Variants in SUN2 observed in about 807,000 individuals in gnomAD.
The protein encoded by SUN2 is SUN domain-containing protein 2.
Under a neutral mutation model 100.0 loss-of-function variants are expected in SUN2, and 60 were observed. That is an observed-to-expected ratio of 0.60 (90% CI 0.49 to 0.74). SUN2 has a LOEUF of 0.74. Ranked by LOEUF, SUN2 falls within the 30% of genes least tolerant of loss-of-function variation. The pLI is 0.00. For synonymous variants in SUN2, 367 were observed against 403.3 expected (o/e 0.91, Z 1.08); for missense variants, 834 against 954.6 (o/e 0.87, Z 1.66).
chr22:38,740,663 AAT>A lies in SUN2; in HGVS notation c.1191-233_1191-232del. On this transcript the variant is annotated intron_variant, in intron 11 of 17. Coordinates refer to ENST00000689035, the MANE Select transcript of SUN2 (RefSeq NM_015374.3). The surrounding 1 kb of genome is among the most constrained non-coding windows in gnomAD (Gnocchi z 4.8). The stretch of plus-strand genomic sequence containing the variant: ...CTCCCTTTCTAAGCCCAGAGTCCAG[AAT>A]GTACTCTGCCTCAGCCTCTCACATC... The A allele has an allele frequency of 1.7e-6, 1 of 572,136 alleles. No homozygotes were observed. Among genetic ancestry groups the A allele is most frequent in the South Asian group, 2.4e-5 (1 of 41,548 alleles). 35.4% of individuals were successfully genotyped at this position (572,136 alleles called of 1,614,324 possible). A position where few individuals can be genotyped will look rare whatever the true frequency, so the allele number is the denominator to read the frequency against.
chr22:38,747,860 C>T (rs994475466), intron 7 of SUN2, among the ~76,000 whole-genome samples: 4 of 151,326 alleles, frequency 2.6e-5, no homozygotes, highest in African/African-American at 9.7e-5. Context: ...GGAGGATCAC[C>T]TGAGCTCAGA....
chr22:38,746,926 C>T (rs1017781562), intron 7 of SUN2, among the ~76,000 whole-genome samples: 6 of 151,958 alleles, frequency 3.9e-5, no homozygotes, highest in East Asian at 3.9e-4. Flanking sequence ...CCCAGCTACT[C>T]GGGAGGCTGA....
intron 10 of SUN2, 99 bp from the exon 11 acceptor site, chr22:38,741,149 C>T: frequency 2.2e-6 from 3 of 1,357,924 alleles, no homozygotes; most frequent in Non-Finnish European, 3.1e-6. Context: ...CTTAACCACA[C>T]CCCTGCCCAA....
chr22:38,735,513 G>A lies in SUN2; in HGVS notation c.*754C>T, dbSNP rs889593678. 7.1e-6 allele frequency: 2 copies of A among 279,744 alleles called. No homozygotes were observed. The highest frequency in any genetic ancestry group is 1.4e-5 in the Non-Finnish European group (2 of 141,298). 17.3% of individuals were successfully genotyped at this position (279,744 alleles called of 1,614,324 possible). A position where few individuals can be genotyped will look rare whatever the true frequency, so the allele number is the denominator to read the frequency against. On this transcript the variant is annotated 3_prime_UTR_variant, in exon 18 of 18. Transcript: ENST00000689035. ...ACTGGCAGGCCCTAGCAGGAACAGG[G>A]AGCAGGGTGGGCCCCAACCTAGCAT...
chr22:38,738,442 G>A lies in SUN2; in HGVS notation c.1947+145C>T. On this transcript the variant is annotated intron_variant, in intron 16 of 17. Transcript: ENST00000689035. This position sits in a 1 kb window ranked among gnomAD's most constrained non-coding sequence, Gnocchi z 6.6. ...AAAGCCTAAGGTAACAGGGACTGAA[G>A]TGCTGTCTCCCACCCTAGCTCCTCC... The A allele has an allele frequency of 8.3e-7, 1 of 1,205,774 alleles. No homozygotes were observed. Among genetic ancestry groups the A allele is most frequent in the Non-Finnish European group, 1.2e-6 (1 of 850,140 alleles). The allele number at this position is 1,205,774 out of a possible 1,614,324, so 74.7% of individuals were successfully genotyped here.
chr22:38,746,513 G>A (rs1393874760), intron 7 of SUN2, among the ~76,000 whole-genome samples: 1 of 152,204 alleles, frequency 6.6e-6, no homozygotes, highest in Non-Finnish European at 1.5e-5. Context: ...AGGTTGGCAG[G>A]TGCAAAAGGA....
rs754486923 is a variant in SUN2, at chr22:38,737,049, G to A, written c.2041-669C>T. On this transcript the variant is annotated intron_variant, in intron 17 of 17. Transcript: ENST00000689035. This position sits in a 1 kb window ranked among gnomAD's most constrained non-coding sequence, Gnocchi z 4.1. ...TTTTGTAGAGTCGGGATCTCGCTGT[G>A]TTCACCAGCCTGGTCTTGAACTCCT... 2.0e-4 allele frequency among the ~76,000 whole-genome samples: 30 copies of A among 152,132 alleles called. No homozygotes were observed. Among genetic ancestry groups the A allele is most frequent in the Non-Finnish European group, 3.8e-4 (26 of 68,018 alleles).
Position 38,739,197 on chromosome 22 carries a change from T to C in SUN2, c.1663+145A>G. Reference sequence around the variant, plus strand: ...GTCCTGACTTCCCTGAATTGCCACTTGCCTTTGTCATGGGTACTAGGTTGG... The same window carrying C: ...GTCCTGACTTCCCTGAATTGCCACTCGCCTTTGTCATGGGTACTAGGTTGG... On this transcript the variant is annotated intron_variant, in intron 14 of 17. Transcript: ENST00000689035. This position sits in a 1 kb window ranked among gnomAD's most constrained non-coding sequence, Gnocchi z 6.7. 1 of 1,003,044 alleles carries C rather than the reference T, an allele frequency of 1.0e-6. No individual in the cohort carries two copies. Among genetic ancestry groups the C allele is most frequent in the South Asian group, 1.4e-5 (1 of 69,710 alleles). The allele number at this position is 1,003,044 out of a possible 1,614,324, so 62.1% of individuals were successfully genotyped here. A position where few individuals can be genotyped will look rare whatever the true frequency, so the allele number is the denominator to read the frequency against.
At chr22:38,751,583 G>A (rs568888385) in intron 2 of SUN2, 10 of 580,240 alleles carry the variant, frequency 1.7e-5, no homozygotes, top group Admixed American at 3.2e-5. Context: ...TGGGCAAGAC[G>A]GGCAGCGGCA....
intron 6 of SUN2, 64 bp from the exon 7 acceptor site, chr22:38,748,847 G>A (rs951655928): frequency 5.3e-5 from 80 of 1,514,506 alleles, no homozygotes; most frequent in African/African-American, 3.8e-4. Context: ...AGGCCTCCAC[G>A]TTCCACCCAG....
At chr22:38,753,262 C>T (rs1230977181) in intron 1 of SUN2, among the ~76,000 whole-genome samples, 1 of 134,568 alleles carries the variant, frequency 7.4e-6, no homozygotes, top group Admixed American at 8.2e-5. Context: ...GCCTCCCAGG[C>T]TGAAGTGCAG....
chr22:38,744,261 CAAAAA>C (rs35027225), intron 8 of SUN2, among the ~76,000 whole-genome samples: 10 of 60,704 alleles, frequency 1.6e-4, no homozygotes, highest in African/African-American at 5.1e-4. Flanking sequence ...GACTCTGTCT[CAAAAA>C]AAAAAAAAAA....
Position 38,737,782 on chromosome 22 carries a change from C to A in SUN2, c.2040+391G>T, listed in dbSNP as rs1262553566. On this transcript the variant is annotated intron_variant, in intron 17 of 17. Transcript: ENST00000689035. This position sits in a 1 kb window ranked among gnomAD's most constrained non-coding sequence, Gnocchi z 4.1. The stretch of plus-strand genomic sequence containing the variant: ...CTAACTGACTTAGGAGATCGGATGC[C>A]CACTGAAGTTTAAGCCGCATGCACT... 2 of 405,278 alleles carry A rather than the reference C, an allele frequency of 4.9e-6. No homozygotes were observed. The highest frequency in any genetic ancestry group is 9.8e-6 in the Non-Finnish European group (2 of 204,558). The allele number at this position is 405,278 out of a possible 1,614,324, so 25.1% of individuals were successfully genotyped here.
rs141432879 is a variant in SUN2, at chr22:38,737,659, G to A, written c.2040+514C>T. 217 of 343,898 alleles carry A rather than the reference G, an allele frequency of 6.3e-4. 1 individual carries two copies. The highest frequency in any genetic ancestry group is 3.2e-3 in the Middle Eastern group (3 of 936). 21.3% of individuals were successfully genotyped at this position (343,898 alleles called of 1,614,324 possible). A position where few individuals can be genotyped will look rare whatever the true frequency, so the allele number is the denominator to read the frequency against. ...CCTCACTCCAGGACTCCCCCGGTGTGGGGCTTAGGCCAATGGTTTGTTCAA... is the reference window on the plus strand; with the variant it reads ...CCTCACTCCAGGACTCCCCCGGTGTAGGGCTTAGGCCAATGGTTTGTTCAA... On this transcript the variant is annotated intron_variant, in intron 17 of 17. Coordinates refer to ENST00000689035, the MANE Select transcript of SUN2 (RefSeq NM_015374.3). This position sits in a 1 kb window ranked among gnomAD's most constrained non-coding sequence, Gnocchi z 4.1.
chr22:38,750,421 C>T, intron 4 of SUN2, 101 bp from the exon 5 acceptor site: 3 of 1,551,658 alleles, frequency 1.9e-6, no homozygotes, highest in Non-Finnish European at 2.6e-6. Flanking sequence ...CCCTCCTTCA[C>T]ATCCCCACAG....
In SUN2 at chr22:38,735,068, C is replaced by T. The variant is rs2092790801; in HGVS notation, c.*1199G>A. 1 of 331,058 alleles carries T rather than the reference C, an allele frequency of 3.0e-6. No individual in the cohort carries two copies. Among genetic ancestry groups the T allele is most frequent in the Admixed American group, 4.2e-5 (1 of 23,710 alleles). The allele number at this position is 331,058 out of a possible 1,614,324, so 20.5% of individuals were successfully genotyped here. On this transcript the variant is annotated 3_prime_UTR_variant, in exon 18 of 18. Coordinates refer to ENST00000689035, the MANE Select transcript of SUN2 (RefSeq NM_015374.3). ...TGCCCCACAGAACGGGGCTAGGAATCAAGCCCTTAGCTTTTCAGTTAGAAA... is the reference window on the plus strand; with the variant it reads ...TGCCCCACAGAACGGGGCTAGGAATTAAGCCCTTAGCTTTTCAGTTAGAAA...
chr22:38,754,782 A>G, intron 1 of SUN2: 1 of 1,285,048 alleles, frequency 7.8e-7, no homozygotes, highest in Non-Finnish European at 1.0e-6. Context: ...AAATATTCTG[A>G]TGGAGGTTGA....
rs7290004 is a variant in SUN2, at chr22:38,748,568, G to A, written c.685+145C>T. 2.2e-3 allele frequency: 1,990 copies of A among 896,804 alleles called. 36 individuals carry two copies. The African/African-American group carries it at 0.029, about 13-fold the overall frequency. The allele number at this position is 896,804 out of a possible 1,614,324, so 55.6% of individuals were successfully genotyped here. ...CAGGAGAGGTGGGGAGGGCCATGCA[G>A]AGATGATCCAGGGTCCAGGGCTCAG... On this transcript the variant is annotated intron_variant, in intron 7 of 17. Transcript: ENST00000689035.
Position 38,736,066 on chromosome 22 carries a change from G to A in SUN2, c.*201C>T. 1 of 642,978 alleles carries A rather than the reference G, an allele frequency of 1.6e-6. No individual in the cohort carries two copies. The highest frequency in any genetic ancestry group is 2.9e-6 in the Non-Finnish European group (1 of 348,336). 39.8% of individuals were successfully genotyped at this position (642,978 alleles called of 1,614,324 possible). Reference sequence around the variant, plus strand: ...ACGCCACGGGCACAGAGGGAAGGAAGAAGGGAGCTGCTGGAGCCTGCTAAC... The same window carrying A: ...ACGCCACGGGCACAGAGGGAAGGAAAAAGGGAGCTGCTGGAGCCTGCTAAC... On this transcript the variant is annotated 3_prime_UTR_variant, in exon 18 of 18. Transcript: ENST00000689035.
Sources: allele counts gnomAD v4.1 joint callset (sites outside exome capture counted in the v4.1 genomes callset), GRCh38; gene constraint gnomAD v4.1.1; non-coding constraint Gnocchi (gnomAD v3.1); transcripts MANE v1.5; gene names NCBI Gene and HGNC (gene_info 2026-07-23, HGNC 2026-07-21).